Variants in PPFIA2 observed in about 807,000 individuals in gnomAD.
The protein encoded by PPFIA2 is PPFI scaffold protein A2.
Under a neutral mutation model 175.5 loss-of-function variants are expected in PPFIA2, and 46 were observed. The observed-to-expected ratio is 0.26, with a 90% CI of 0.21 to 0.34. The LOEUF is 0.34. PPFIA2 is among the 10% of genes least tolerant of loss of function. The probability of loss-of-function intolerance (pLI) is 1.00; values close to 1 mark genes in which losing one functional copy is unlikely to be tolerated. For missense variants in PPFIA2, 1,179 were observed against 1,506.1 expected, an observed-to-expected ratio of 0.78 and a Z score of 3.60; for synonymous variants, 568 against 511.4, an observed-to-expected ratio of 1.11 and a Z score of -1.49.
intron 4 of PPFIA2, among the ~76,000 whole-genome samples, chr12:81,551,622 C>A (rs540151975): frequency 6.6e-6 from 1 of 151,620 alleles, no homozygotes; most frequent in African/African-American, 2.4e-5. Context: ...TGAAATAAAC[C>A]CCCCATGGAT....
At chr12:81,491,901 T>C (rs1040299827) in intron 4 of PPFIA2, among the ~76,000 whole-genome samples, 1 of 152,018 alleles carries the variant, frequency 6.6e-6, no homozygotes, top group Non-Finnish European at 1.5e-5. Flanking sequence ...TTTCTGCTGT[T>C]CAATTTAGCC....
chr12:81,581,768 T>G (rs1304061173), intron 4 of PPFIA2, among the ~76,000 whole-genome samples: 2 of 151,726 alleles, frequency 1.3e-5, no homozygotes, highest in Middle Eastern at 3.2e-3. Flanking sequence ...AACCCTGATA[T>G]TTTTGGTTTT....
intron 21 of PPFIA2, among the ~76,000 whole-genome samples, chr12:81,332,173 T>G (rs2056255857): frequency 6.6e-6 from 1 of 151,986 alleles, no homozygotes; most frequent in Admixed American, 6.6e-5. Flanking sequence ...CAGATCATCT[T>G]ATTTCTGTGG....
At chr12:81,727,364 A>C (rs1376191922) in intron 3 of PPFIA2, among the ~76,000 whole-genome samples, 2 of 151,412 alleles carry the variant, frequency 1.3e-5, no homozygotes, top group African/African-American at 4.8e-5. Flanking sequence ...TGTTTCGAAC[A>C]TTAATTTACA....
chr12:81,345,754 A>T (rs2058963046), intron 18 of PPFIA2, among the ~76,000 whole-genome samples: 1 of 152,190 alleles, frequency 6.6e-6, no homozygotes, highest in Non-Finnish European at 1.5e-5. Flanking sequence ...ACTATGTAGC[A>T]TATCTTATAT....
At chr12:81,672,886 T>G (rs1306179643) in intron 4 of PPFIA2, among the ~76,000 whole-genome samples, 1 of 152,016 alleles carries the variant, frequency 6.6e-6, no homozygotes, top group Admixed American at 6.6e-5. Flanking sequence ...TGTAGTCTCT[T>G]TATTAGATTT....
At chr12:81,627,582 A>G (rs981960936) in intron 4 of PPFIA2, among the ~76,000 whole-genome samples, 1 of 152,132 alleles carries the variant, frequency 6.6e-6, no homozygotes, top group Non-Finnish European at 1.5e-5. Context: ...ATAACTCTCA[A>G]TACCACAATC....
chr12:81,650,107 T>A (rs2066797246), intron 4 of PPFIA2, among the ~76,000 whole-genome samples: 2 of 152,050 alleles, frequency 1.3e-5, no homozygotes, highest in African/African-American at 4.8e-5. Flanking sequence ...CCTTCCAGAT[T>A]CACGCCATTC....
intron 4 of PPFIA2, among the ~76,000 whole-genome samples, chr12:81,652,801 A>C (rs1174793645): frequency 6.6e-6 from 1 of 152,048 alleles, no homozygotes; most frequent in Admixed American, 6.6e-5. Context: ...CCTGAAATTT[A>C]CATCTCAATC....
intron 4 of PPFIA2, among the ~76,000 whole-genome samples, chr12:81,473,958 C>T (rs1319529804): frequency 3.3e-5 from 5 of 152,144 alleles, no homozygotes; most frequent in African/African-American, 7.2e-5. Flanking sequence ...AATGGAAAAA[C>T]GGCTATGTGT....
At chr12:81,367,244 T>G (rs2141397837) in intron 13 of PPFIA2, 74 bp from the exon 14 acceptor site, 1 of 977,570 alleles carries the variant, frequency 1.0e-6, no homozygotes, top group East Asian at 3.4e-5. Context: ...GATTAATATC[T>G]TATCACTCAA....
chr12:81,416,011 T>A (rs2045186388), intron 7 of PPFIA2, among the ~76,000 whole-genome samples: 1 of 151,596 alleles, frequency 6.6e-6, no homozygotes, highest in Admixed American at 6.6e-5. Context: ...AATACTAGCA[T>A]CTTCATTAGA....
chr12:81,530,951 T>C (rs538281051), intron 4 of PPFIA2, among the ~76,000 whole-genome samples: 82 of 152,026 alleles, frequency 5.4e-4, no homozygotes, highest in East Asian at 1.2e-3. Context: ...TTTACATAAT[T>C]AAGAAAACTC....
intron 22 of PPFIA2, among the ~76,000 whole-genome samples, chr12:81,318,225 C>T (rs1051198169): frequency 6.6e-6 from 1 of 151,706 alleles, no homozygotes; most frequent in Non-Finnish European, 1.5e-5. Context: ...TCATGTTCCT[C>T]TGAACATATG....
intron 22 of PPFIA2, among the ~76,000 whole-genome samples, chr12:81,314,676 ATAAAC>A (rs2051872604): frequency 6.6e-6 from 1 of 151,940 alleles, no homozygotes. Flanking sequence ...TTCTTCTGTT[ATAAAC>A]TAGTCAATTC....
At position 81,587,728 on chromosome 12, in the gene PPFIA2, T is replaced by C. The variant is rs529125019; in HGVS notation, c.303+89063A>G. Reference sequence around the variant, plus strand: ...TGTACATTTAAAGTCAAAGCACTTCTGTTTATCTGTCTACTCTAGAGAACA... The same window carrying C: ...TGTACATTTAAAGTCAAAGCACTTCCGTTTATCTGTCTACTCTAGAGAACA... On this transcript the variant is annotated intron_variant, in intron 4 of 32. Transcript: ENST00000549396. Among the ~76,000 whole-genome samples the C allele has an allele frequency of 5.3e-5, 8 of 152,152 alleles. No homozygotes were observed. In the South Asian group the frequency reaches 1.7e-3, roughly 32 times the overall value.
chr12:81,432,255 T>A (rs1294650436), intron 7 of PPFIA2, among the ~76,000 whole-genome samples: 1 of 152,138 alleles, frequency 6.6e-6, no homozygotes, highest in Non-Finnish European at 1.5e-5. Flanking sequence ...CATTAAATAC[T>A]AACTCTTCAT....
intron 23 of PPFIA2, chr12:81,298,379 A>G (rs1168770607): frequency 2.0e-5 from 3 of 152,210 alleles, no homozygotes; most frequent in African/African-American, 7.2e-5. Context: ...ATCTAAGTCT[A>G]TTTTTAAAAC....
chr12:81,335,463 C>A (rs1310642227), intron 21 of PPFIA2, among the ~76,000 whole-genome samples: 1 of 152,020 alleles, frequency 6.6e-6, no homozygotes. Context: ...CAATAAATGG[C>A]CAGGCACAGT....
Sources: gnomAD v4.1 joint callset for allele counts (sites outside exome capture counted in the v4.1 genomes callset) on GRCh38, gnomAD v4.1.1 for gene constraint, MANE v1.5 for transcripts, NCBI Gene and HGNC (gene_info 2026-07-23, HGNC 2026-07-21) for gene names.